CCR5AS: variants seen among roughly 807,000 people sequenced by gnomAD.
CCR5AS encodes CCR5 antisense RNA.
intron 2 of CCR5AS, among the ~76,000 whole-genome samples, chr3:46,385,266 G>A (rs945577061): frequency 1.3e-5 from 2 of 152,206 alleles, no homozygotes; most frequent in Non-Finnish European, 2.9e-5. Context: ...CCCTAACTGT[G>A]TTAAACAAGA....
intron 2 of CCR5AS, chr3:46,373,749 G>A (rs1701708558): frequency 4.3e-6 from 7 of 1,613,896 alleles, no homozygotes; most frequent in Middle Eastern, 1.7e-4. Context: ...GCAGGTGACA[G>A]AGACTCTTGG....
intron 3 of CCR5AS, among the ~76,000 whole-genome samples, chr3:46,370,451 G>T (rs1247822794): frequency 6.6e-6 from 1 of 152,164 alleles, no homozygotes; most frequent in Non-Finnish European, 1.5e-5. Context: ...GGGACACAGG[G>T]TTAATGTGAA....
At position 46,392,280 on chromosome 3, in the gene CCR5AS, G is replaced by A. The variant is rs192625226; in HGVS notation, n.391+545C>T. 3.6e-4 allele frequency among the ~76,000 whole-genome samples: 55 copies of A among 152,254 alleles called. No homozygotes were observed. The East Asian group carries it at 5.2e-3, about 14-fold the overall frequency. ...TCCCTTGCCTCCATAACTGTTGTGG[G>A]TATTGATGGCCAGGCTTATAAGCCC... is the stretch of plus-strand genomic sequence containing the variant. On this transcript the variant is annotated intron_variant and non_coding_transcript_variant, in intron 2 of 3. Coordinates refer to ENST00000451485, the Ensembl canonical transcript of CCR5AS.
chr3:46,386,458 G>T (rs1313222616), intron 2 of CCR5AS, among the ~76,000 whole-genome samples: 2 of 152,186 alleles, frequency 1.3e-5, no homozygotes, highest in Non-Finnish European at 2.9e-5. Flanking sequence ...CAGAGAAGGG[G>T]CAGGAGGAAT....
intron 1 of CCR5AS, among the ~76,000 whole-genome samples, chr3:46,397,528 C>T (rs1251648491): frequency 3.9e-5 from 6 of 152,212 alleles, no homozygotes; most frequent in Admixed American, 3.9e-4. Flanking sequence ...ATTCCCACTG[C>T]AAGGCCAGAC....
intron 1 of CCR5AS, among the ~76,000 whole-genome samples, chr3:46,399,283 G>T (rs1297364765): frequency 1.3e-5 from 2 of 152,206 alleles, no homozygotes; most frequent in Non-Finnish European, 2.9e-5. Flanking sequence ...ATGGGCACTT[G>T]ATGCATTAGC....
intron 2 of CCR5AS, among the ~76,000 whole-genome samples, chr3:46,381,793 A>G (rs1459979670): frequency 2.6e-5 from 4 of 152,224 alleles, no homozygotes; most frequent in Non-Finnish European, 4.4e-5. Context: ...AGAGCCCAGC[A>G]GAGAAGAGGG....
At chr3:46,386,717 C>T (rs535059682) in intron 2 of CCR5AS, among the ~76,000 whole-genome samples, 5 of 152,286 alleles carry the variant, frequency 3.3e-5, no homozygotes, top group Non-Finnish European at 5.9e-5. Flanking sequence ...GAAATTTGAA[C>T]ACTGACTAGA....
chr3:46,368,680 C>A (rs553615728), intron 3 of CCR5AS, among the ~76,000 whole-genome samples: 2 of 152,196 alleles, frequency 1.3e-5, no homozygotes, highest in Non-Finnish European at 2.9e-5. Context: ...AGGTCTAGCA[C>A]GTCATTTAAC....
At chr3:46,366,072 C>T (rs1701595652) in intron 3 of CCR5AS, among the ~76,000 whole-genome samples, 1 of 152,224 alleles carries the variant, frequency 6.6e-6, no homozygotes, top group Non-Finnish European at 1.5e-5. Context: ...ATCCTGCCCA[C>T]TTCTACAATC....
intron 2 of CCR5AS, chr3:46,375,821 G>A (rs746492): frequency 3.0e-5 from 5 of 166,326 alleles, no homozygotes; most frequent in African/African-American, 1.2e-4. Context: ...TTTCTGTTCT[G>A]TCTCATATGA....
At chr3:46,386,268 T>G (rs113116366) in intron 2 of CCR5AS, among the ~76,000 whole-genome samples, 8,647 of 152,202 alleles carry the variant, frequency 0.057, 815 homozygotes, top group African/African-American at 0.2. Flanking sequence ...ATCTCTCTAC[T>G]TTCACTTTTC....
At chr3:46,385,948 T>C (rs1341261782) in intron 2 of CCR5AS, among the ~76,000 whole-genome samples, 1 of 151,972 alleles carries the variant, frequency 6.6e-6, no homozygotes, top group Non-Finnish European at 1.5e-5. Flanking sequence ...CACCATATTT[T>C]ATTTTATTTT....
intron 1 of CCR5AS, among the ~76,000 whole-genome samples, chr3:46,399,778 A>T (rs1293708016): frequency 6.6e-6 from 1 of 152,174 alleles, no homozygotes; most frequent in Non-Finnish European, 1.5e-5. Flanking sequence ...GCAGAAGATG[A>T]GATCATTTCC....
intron 1 of CCR5AS, among the ~76,000 whole-genome samples, chr3:46,396,015 A>G (rs1372991813): frequency 6.6e-6 from 1 of 152,162 alleles, no homozygotes; most frequent in African/African-American, 2.4e-5. Flanking sequence ...GGGAGACGTG[A>G]GCAGGAAGAA....
intron 2 of CCR5AS, chr3:46,376,000 T>G (rs1042071256): frequency 1.2e-5 from 2 of 167,014 alleles, no homozygotes; most frequent in African/African-American, 4.8e-5. Flanking sequence ...CGGTGAGCAT[T>G]GTGGCTGTCA....
intron 3 of CCR5AS, among the ~76,000 whole-genome samples, chr3:46,365,899 A>G (rs915694448): frequency 3.9e-5 from 6 of 151,940 alleles, no homozygotes; most frequent in African/African-American, 1.5e-4. Flanking sequence ...TACCCCTATT[A>G]ACTCTCTCCA....
In CCR5AS at chr3:46,373,898, C is replaced by T. The variant is rs148802293; in HGVS notation, n.392-2481G>A. 67 of 1,609,612 alleles carry T rather than the reference C, an allele frequency of 4.2e-5. No individual in the cohort carries two copies. In the African/African-American group the frequency reaches 6.0e-4, roughly 14 times the overall value. On this transcript the variant is annotated intron_variant and non_coding_transcript_variant, in intron 2 of 3. Transcript: ENST00000451485. ...GTTCTATTTTCCAGCAAGAGGCTCC[C>T]GAGCGAGCAAGCTCAGTTTACACCC...
intron 1 of CCR5AS, among the ~76,000 whole-genome samples, chr3:46,393,505 A>G (rs577316389): frequency 6.1e-4 from 93 of 152,134 alleles, no homozygotes; most frequent in Non-Finnish European, 1.0e-3. Flanking sequence ...AGAAGAAGAA[A>G]AAAAAATTTT....
Sources: allele counts gnomAD v4.1 joint callset (sites outside exome capture counted in the v4.1 genomes callset), GRCh38; gene constraint gnomAD v4.1.1; transcripts MANE v1.5; gene names NCBI Gene and HGNC (gene_info 2026-07-23, HGNC 2026-07-21).